Variants in TENM2 observed in about 807,000 individuals in gnomAD.
The protein encoded by TENM2 is teneurin-2.
A neutral mutation model predicts 245.2 loss-of-function variants in TENM2; 52 were observed. The ratio of observed to expected loss-of-function variants is 0.21; its 90% CI spans 0.17 to 0.27. The LOEUF is 0.27. Among genes scored for constraint, TENM2 ranks in the 10% least tolerant of loss-of-function variants. The probability of loss-of-function intolerance (pLI) is 1.00; values close to 1 mark genes in which losing one functional copy is unlikely to be tolerated. For synonymous variants in TENM2, 1,363 were observed against 1,438.9 expected (o/e 0.95, Z 1.19); for missense variants, 3,046 against 3,666.8 (o/e 0.83, Z 4.37).
At chr5:167,728,496 A>C (rs1040479134) in intron 2 of TENM2, among the ~76,000 whole-genome samples, 1 of 114,410 alleles carries the variant, frequency 8.7e-6, no homozygotes, top group East Asian at 5.3e-4. Flanking sequence ...TATGGTCCCA[A>C]CTACTCAGGA....
intron 3 of TENM2, among the ~76,000 whole-genome samples, chr5:167,893,167 T>C (rs1774900252): frequency 6.6e-6 from 1 of 152,194 alleles, no homozygotes; most frequent in Non-Finnish European, 1.5e-5. Flanking sequence ...CTGTCTGTGA[T>C]AAATAAGGGA....
At chr5:167,996,222 C>T (rs1784038023) in intron 5 of TENM2, among the ~76,000 whole-genome samples, 1 of 152,034 alleles carries the variant, frequency 6.6e-6, no homozygotes, top group African/African-American at 2.4e-5. Context: ...GAATGCCAGC[C>T]CTGTGCAAAC....
intron 27 of TENM2, among the ~76,000 whole-genome samples, chr5:168,257,586 C>A (rs558744048): frequency 3.5e-4 from 53 of 150,228 alleles, no homozygotes; most frequent in African/African-American, 1.2e-3. Context: ...GTGCTCTGAA[C>A]TTCTCAGGAA....
At chr5:167,656,835 A>T (rs1754871822) in intron 2 of TENM2, among the ~76,000 whole-genome samples, 1 of 152,072 alleles carries the variant, frequency 6.6e-6, no homozygotes, top group Non-Finnish European at 1.5e-5. Context: ...TTTTTAATGA[A>T]CACATAATGT....
intron 2 of TENM2, among the ~76,000 whole-genome samples, chr5:167,611,087 C>T (rs1238684978): frequency 6.6e-6 from 1 of 152,136 alleles, no homozygotes; most frequent in Non-Finnish European, 1.5e-5. Flanking sequence ...TGTAGGCCTT[C>T]CCAAAATATT....
Position 168,115,219 on chromosome 5 carries a change from G to A in TENM2, c.1814-3073G>A, listed in dbSNP as rs185242477. On this transcript the variant is annotated intron_variant, in intron 9 of 28. Transcript: ENST00000518659. ...GAGGCAGGAGAATCGCTTGAACCCGGGAGGCAGAGGTTGCAGTGAGCCAAG... is the reference window on the plus strand; with the variant it reads ...GAGGCAGGAGAATCGCTTGAACCCGAGAGGCAGAGGTTGCAGTGAGCCAAG... Among the ~76,000 whole-genome samples, 1,022 of 151,914 alleles carry A rather than the reference G, an allele frequency of 6.7e-3. 6 individuals carry two copies. Among genetic ancestry groups the A allele is most frequent in the Middle Eastern group, 0.01 (3 of 294 alleles).
the TENM2 span, among the ~76,000 whole-genome samples, chr5:167,063,250 G>A: frequency 1.9e-3 from 285 of 152,230 alleles, no homozygotes; most frequent in African/African-American, 6.3e-3. Context: ...TGTCAGGCAC[G>A]GAGTAGACAC....
At chr5:168,245,575 A>T (rs1337572396) in intron 26 of TENM2, among the ~76,000 whole-genome samples, 51 of 143,610 alleles carry the variant, frequency 3.6e-4, no homozygotes, top group African/African-American at 1.1e-3. Context: ...GTGGCGGTAA[A>T]AAAAAAAAAA....
exon 25 of TENM2, chr5:168,227,952 C>A: frequency 1.2e-6 from 2 of 1,613,686 alleles, no homozygotes; most frequent in Non-Finnish European, 1.7e-6. Flanking sequence ...GTGATGTATG[C>A]TAATGGGATG....
the TENM2 span, among the ~76,000 whole-genome samples, chr5:167,142,092 G>A: frequency 6.6e-6 from 1 of 152,158 alleles, no homozygotes; most frequent in African/African-American, 2.4e-5. Context: ...AAATCTATGA[G>A]TAGAGTTAAT....
intron 2 of TENM2, among the ~76,000 whole-genome samples, chr5:167,856,073 T>A (rs529039473): frequency 6.6e-6 from 1 of 152,326 alleles, no homozygotes; most frequent in East Asian, 1.9e-4. Flanking sequence ...GTCACTTATT[T>A]CGACTTCACT....
At chr5:167,073,057 A>C in the TENM2 span, among the ~76,000 whole-genome samples, 1 of 152,232 alleles carries the variant, frequency 6.6e-6, no homozygotes, top group Non-Finnish European at 1.5e-5. Context: ...AATATGTTTT[A>C]TACCATATTT....
chr5:167,176,290 C>T, the TENM2 span, among the ~76,000 whole-genome samples: 2 of 151,916 alleles, frequency 1.3e-5, no homozygotes, highest in Admixed American at 1.3e-4. Context: ...TCTTTTTTAC[C>T]CAACTTGTGC....
At chr5:168,157,623 CAAGAG>C (rs752520219) in intron 12 of TENM2, among the ~76,000 whole-genome samples, 1 of 151,996 alleles carries the variant, frequency 6.6e-6, no homozygotes, top group Non-Finnish European at 1.5e-5. Flanking sequence ...ATAGAAGAGA[CAAGAG>C]AAGGTAGGAG....
chr5:167,722,395 GATAA>G (rs1233789874), intron 2 of TENM2, among the ~76,000 whole-genome samples: 2 of 152,148 alleles, frequency 1.3e-5, no homozygotes, highest in Non-Finnish European at 2.9e-5. Context: ...TTGATAGATA[GATAA>G]ATAGATAGAT....
At chr5:167,281,772 G>A (rs1414494481), upstream of TENM2, among the ~76,000 whole-genome samples, 1 of 152,138 alleles carries the variant, frequency 6.6e-6, no homozygotes, top group Non-Finnish European at 1.5e-5. Flanking sequence ...GCCGAGGCGA[G>A]CAGATCACCT....
the TENM2 span, among the ~76,000 whole-genome samples, chr5:167,144,566 C>A: frequency 6.6e-6 from 1 of 152,104 alleles, no homozygotes; most frequent in African/African-American, 2.4e-5. Flanking sequence ...TTTTGCCCAA[C>A]ACTTGACACT....
rs58942656 is a variant in TENM2 at position 167,731,697 on chromosome 5, G to GTTT, written c.503-144273_503-144271dup. On this transcript the variant is annotated intron_variant, in intron 2 of 28. Coordinates refer to ENST00000518659, the Ensembl canonical transcript of TENM2. ...TCACTAAAGCATCAATTTCTCAGAG[G>GTTT]TTTTTTTTTTTTTTTTTTGAAATAT... Among the ~76,000 whole-genome samples the GTTT allele has an allele frequency of 1.7e-3, 212 of 121,672 alleles. 3 individuals are homozygous for GTTT. The East Asian group carries it at 0.021, about 12-fold the overall frequency. 79.8% of individuals were successfully genotyped at this position (121,672 alleles called of 152,430 possible). A position where few individuals can be genotyped will look rare whatever the true frequency, so the allele number is the denominator to read the frequency against.
At chr5:167,802,948 C>T (rs1300993243) in intron 2 of TENM2, among the ~76,000 whole-genome samples, 3 of 152,028 alleles carry the variant, frequency 2.0e-5, no homozygotes, top group Non-Finnish European at 4.4e-5. Flanking sequence ...CATGTTGACC[C>T]TGTATATTCA....
Sources: allele counts gnomAD v4.1 joint callset (sites outside exome capture counted in the v4.1 genomes callset), GRCh38; gene constraint gnomAD v4.1.1; transcripts MANE v1.5; gene names NCBI Gene and HGNC (gene_info 2026-07-23, HGNC 2026-07-21).